Variants in ZFAT observed in about 807,000 individuals in gnomAD.
ZFAT encodes zinc finger protein ZFAT.
Under a neutral mutation model 117.7 loss-of-function variants are expected in ZFAT, and 64 were observed. The observed-to-expected ratio is 0.54, with a 90% CI of 0.44 to 0.67. ZFAT has a LOEUF of 0.67. Among genes scored for constraint, ZFAT ranks in the 30% least tolerant of loss-of-function variants. The pLI is 0.00. For synonymous variants in ZFAT, 679 were observed against 615.0 expected (o/e 1.10, Z -1.54); for missense variants, 1,433 against 1,584.5 (o/e 0.90, Z 1.62).
At chr8:134,532,781 A>G in intron 12 of ZFAT, 53 bp downstream of exon 12, 2 of 1,592,604 alleles carry the variant, frequency 1.3e-6, no homozygotes, top group Non-Finnish European at 1.7e-6. Context: ...CCAATGGGGG[A>G]CTTGGCCTAA....
rs759519227 is a variant in ZFAT, at chr8:134,478,615, T to C, written c.3599A>G (p.Asp1200Gly). ...CACCGTCTCAATGCCCTCCACGTCG[T>C]CGGAGGACACCACCAGGTGGTGCTG... ...AEQHHLVVSS[D>G]DVEGIETVTV... The change falls in exon 16 of 16, where the codon GAC (aspartate) becomes GGC (glycine). Residue 1200 changes from aspartate (D) to glycine (G), a missense_variant. This residue lies in a region of ZFAT where 503 missense variants were observed against 543.4 expected (regional missense o/e 0.93). Transcript: ENST00000377838. The surrounding 1 kb of genome is among the most constrained non-coding windows in gnomAD (Gnocchi z 5.2). The C allele has an allele frequency of 3.8e-6, 6 of 1,587,526 alleles. No homozygotes were observed. The highest frequency in any genetic ancestry group is 5.1e-6 in the Non-Finnish European group (6 of 1,167,340).
At chr8:134,521,809 G>A (rs1028790152) in intron 12 of ZFAT, among the ~76,000 whole-genome samples, 4 of 152,310 alleles carry the variant, frequency 2.6e-5, no homozygotes, top group African/African-American at 9.6e-5. Context: ...TAGTCTACTG[G>A]CCTGAGCCAG....
intron 1 of ZFAT, among the ~76,000 whole-genome samples, chr8:134,665,543 C>T (rs1361315334): frequency 6.6e-6 from 1 of 152,228 alleles, no homozygotes; most frequent in Non-Finnish European, 1.5e-5. Flanking sequence ...TGGGGTCCCC[C>T]AGCCCTTACA....
At chr8:134,683,786 G>T (rs1207307872) in intron 1 of ZFAT, among the ~76,000 whole-genome samples, 5 of 152,120 alleles carry the variant, frequency 3.3e-5, no homozygotes, top group African/African-American at 1.2e-4. Flanking sequence ...GAGACAGGGG[G>T]TGGGGCACTT....
intron 15 of ZFAT, among the ~76,000 whole-genome samples, chr8:134,498,212 C>T (rs1316912718): frequency 4.9e-4 from 43 of 88,048 alleles, no homozygotes; most frequent in Non-Finnish European, 8.3e-4. Flanking sequence ...TGGGGTGGAG[C>T]TGGGATGCCC....
At chr8:134,718,091 C>A in the ZFAT span, among the ~76,000 whole-genome samples, 2 of 152,146 alleles carry the variant, frequency 1.3e-5, no homozygotes, top group African/African-American at 4.8e-5. Flanking sequence ...GTATTTGAAG[C>A]ATTTCGAAGT....
chr8:134,516,858 A>G (rs886538667), intron 13 of ZFAT, among the ~76,000 whole-genome samples: 1 of 152,100 alleles, frequency 6.6e-6, no homozygotes, highest in Non-Finnish European at 1.5e-5. Flanking sequence ...CTATCTCTCA[A>G]AAAAAACTAA....
chr8:134,544,620 T>C (rs1353745168), intron 11 of ZFAT, among the ~76,000 whole-genome samples: 1 of 148,256 alleles, frequency 6.7e-6, no homozygotes. Context: ...AACAGAAAAA[T>C]GAAAAAATAG....
intron 15 of ZFAT, among the ~76,000 whole-genome samples, chr8:134,507,146 A>G (rs12115153): frequency 0.094 from 14,261 of 152,294 alleles, 1,020 homozygotes; most frequent in African/African-American, 0.2. Flanking sequence ...GCTTCAGCAC[A>G]GTTATTAAGC....
chr8:134,534,767 G>A (rs1338883585), intron 11 of ZFAT, among the ~76,000 whole-genome samples: 194 of 82,940 alleles, frequency 2.3e-3, no homozygotes, highest in African/African-American at 8.5e-3. Context: ...GAGAGGGAGA[G>A]AGGGAGAAAG....
At chr8:134,600,769 C>T (rs1335200048) in intron 6 of ZFAT, 101 bp from the exon 7 acceptor site, 2 of 968,802 alleles carry the variant, frequency 2.1e-6, no homozygotes, top group Admixed American at 6.1e-5. Context: ...CTATCTCCCT[C>T]TTGCGCTTGT....
At chr8:134,603,889 T>C (rs1488077168) in intron 5 of ZFAT, among the ~76,000 whole-genome samples, 2 of 152,256 alleles carry the variant, frequency 1.3e-5, no homozygotes, top group African/African-American at 2.4e-5. Flanking sequence ...AGAGCTGGCA[T>C]GTGGCTCTCC....
At chr8:134,586,568 T>C (rs1316459282) in intron 9 of ZFAT, among the ~76,000 whole-genome samples, 1 of 152,256 alleles carries the variant, frequency 6.6e-6, no homozygotes, top group Non-Finnish European at 1.5e-5. Flanking sequence ...CTGGGCCCTC[T>C]GTGCTTCCAT....
Position 134,678,964 on chromosome 8 carries a change from A to G in ZFAT, c.20-21227T>C, listed in dbSNP as rs182165810. Among the ~76,000 whole-genome samples, 5 of 152,328 alleles carry G rather than the reference A, an allele frequency of 3.3e-5. No individual in the cohort carries two copies. The East Asian group carries it at 9.6e-4, about 29-fold the overall frequency. On this transcript the variant is annotated intron_variant, in intron 1 of 15. Transcript: ENST00000377838. ...CAAGATAAATTAAAGACTTAAATAT[A>G]AGACCTAAAACCATAAAAACCCTAG...
rs368788377 is a variant in ZFAT at position 134,610,419 on chromosome 8, C to T, written c.634+51G>A. On this transcript the variant is annotated intron_variant, in intron 4 of 15. Transcript: ENST00000377838. The stretch of plus-strand genomic sequence containing the variant: ...GACTGTGACATCAGGCTGCCCTTGG[C>T]ACAGACTTGCCAAGGGTCTTGCCTT... 3.1e-5 allele frequency: 49 copies of T among 1,562,384 alleles called. No homozygotes were observed. The African/African-American group carries it at 6.3e-4, about 20-fold the overall frequency.
chr8:134,499,400 GC>G (rs1176419447), intron 15 of ZFAT, among the ~76,000 whole-genome samples: 9 of 148,000 alleles, frequency 6.1e-5, no homozygotes, highest in Non-Finnish European at 1.0e-4. Context: ...GAGCTGGGAT[GC>G]CCCCGTTGCT....
the ZFAT span, among the ~76,000 whole-genome samples, chr8:134,816,172 T>C: frequency 6.6e-6 from 1 of 152,220 alleles, no homozygotes; most frequent in Non-Finnish European, 1.5e-5. Flanking sequence ...AGGTGGATAT[T>C]ACTCTACTTT....
chr8:134,594,756 G>A (rs780776624), intron 7 of ZFAT: 13 of 152,064 alleles, frequency 8.5e-5, no homozygotes, highest in African/African-American at 2.9e-4. Context: ...GTTAGGTTAC[G>A]GAGCCACACC....
At chr8:134,798,459 C>A in the ZFAT span, among the ~76,000 whole-genome samples, 14 of 151,962 alleles carry the variant, frequency 9.2e-5, no homozygotes, top group Non-Finnish European at 2.1e-4. Flanking sequence ...AATTCTGTAA[C>A]AATTCTAATA....
Sources: allele counts gnomAD v4.1 joint callset (sites outside exome capture counted in the v4.1 genomes callset), GRCh38; gene constraint gnomAD v4.1.1; regional missense constraint gnomAD v4.1.1; non-coding constraint Gnocchi (gnomAD v3.1); transcripts MANE v1.5; gene names NCBI Gene and HGNC (gene_info 2026-07-23, HGNC 2026-07-21).